Variants in TAX1BP1 observed in about 807,000 individuals in gnomAD.
TAX1BP1 encodes Tax1 binding protein 1.
A neutral mutation model predicts 97.7 loss-of-function variants in TAX1BP1; 62 were observed. That is an observed-to-expected ratio of 0.63 (90% confidence interval 0.52 to 0.78). The LOEUF is 0.78. TAX1BP1 is among the 30% of genes least tolerant of loss of function. TAX1BP1 has a pLI of 0.00. For missense variants in TAX1BP1, 867 were observed against 916.1 expected (o/e 0.95, Z 0.69); for synonymous variants, 340 against 304.2 (o/e 1.12, Z -1.23).
In TAX1BP1 at chr7:27,825,555, CT is replaced by C. The variant is rs1562749072; in HGVS notation, c.2086-2182del. ...CATGTAGAATTATACTCTTGAGCCC[CT>C]CTCCCCTTTTATTAGGTAATAGGTG... On this transcript the variant is annotated intron_variant, in intron 15 of 16. Coordinates refer to ENST00000396319, the MANE Select transcript of TAX1BP1 (RefSeq NM_006024.7). 1.4e-4 allele frequency among the ~76,000 whole-genome samples: 22 copies of C among 152,216 alleles called. No homozygotes were observed. In the South Asian group the frequency reaches 4.4e-3, roughly 30 times the overall value.
chr7:27,748,723 A>G, intron 2 of TAX1BP1, 37 bp downstream of exon 2: 1 of 1,436,688 alleles, frequency 7.0e-7, no homozygotes, highest in South Asian at 1.7e-5. Flanking sequence ...CCATGTAAAC[A>G]CTTAAAATTT....
intron 13 of TAX1BP1, among the ~76,000 whole-genome samples, chr7:27,812,063 C>T (rs185748925): frequency 4.2e-4 from 64 of 152,216 alleles, no homozygotes; most frequent in South Asian, 2.1e-4. Context: ...TTTAATGAAA[C>T]GGCCGAATTG....
intron 5 of TAX1BP1, among the ~76,000 whole-genome samples, chr7:27,777,575 G>A (rs1043881280): frequency 2.0e-5 from 3 of 152,008 alleles, no homozygotes; most frequent in Admixed American, 2.0e-4. Context: ...TTCCTCACAC[G>A]CATATGCTGA....
At chr7:27,803,559 T>C (rs573036116) in intron 13 of TAX1BP1, among the ~76,000 whole-genome samples, 154 of 152,372 alleles carry the variant, frequency 1.0e-3, no homozygotes, top group Non-Finnish European at 1.8e-3. Context: ...TTCTCCCTGC[T>C]GTGACATTTG....
chr7:27,783,282 T>G (rs995350122), intron 5 of TAX1BP1, among the ~76,000 whole-genome samples: 2 of 152,248 alleles, frequency 1.3e-5, no homozygotes, highest in African/African-American at 4.8e-5. Flanking sequence ...AGATTTTATC[T>G]TTTAAAGTTA....
At chr7:27,817,144 G>T (rs1306181771) in intron 15 of TAX1BP1, 106 bp downstream of exon 15, 2 of 1,323,520 alleles carry the variant, frequency 1.5e-6, no homozygotes, top group African/African-American at 1.5e-5. Flanking sequence ...GTGCATGCGT[G>T]TGTGTGGAAG....
At chr7:27,780,062 T>C (rs1789194396) in intron 5 of TAX1BP1, among the ~76,000 whole-genome samples, 1 of 152,154 alleles carries the variant, frequency 6.6e-6, no homozygotes. Context: ...GTTACTATGG[T>C]TGAAAGGAGG....
chr7:27,801,053 A>C (rs1288273631), intron 13 of TAX1BP1, among the ~76,000 whole-genome samples: 1 of 151,092 alleles, frequency 6.6e-6, no homozygotes, highest in Non-Finnish European at 1.5e-5. Context: ...GCAGTGAGCC[A>C]AGATCATGCC....
At chr7:27,825,061 T>C (rs1791122471) in intron 15 of TAX1BP1, among the ~76,000 whole-genome samples, 1 of 152,162 alleles carries the variant, frequency 6.6e-6, no homozygotes, top group South Asian at 2.1e-4. Flanking sequence ...TCTCTGGCTT[T>C]CCATGCTTTC....
chr7:27,793,211 CAGTA>C lies in TAX1BP1; in HGVS notation c.1410+4_1410+7del. 6.4e-7 allele frequency: 1 copy of C among 1,569,752 alleles called. No homozygotes were observed. Among genetic ancestry groups the C allele is most frequent in the Non-Finnish European group, 8.6e-7 (1 of 1,168,690 alleles). ...CAAATAAACAAACTTTCAGATCAATCAGTAAGTATCATTAAATTTACACATAGTA... is the reference window on the plus strand; with the variant it reads ...CAAATAAACAAACTTTCAGATCAATCAGTATCATTAAATTTACACATAGTA... On this transcript the variant is annotated splice_donor_variant and splice_donor_region_variant and coding_sequence_variant and intron_variant, in exon 10 of 17. Transcript: ENST00000396319. LOFTEE classifies it high-confidence loss of function.
chr7:27,758,152 A>G lies in TAX1BP1; in HGVS notation c.265+19A>G, dbSNP rs762343366. 1 of 1,562,634 alleles carries G rather than the reference A, an allele frequency of 6.4e-7. No individual in the cohort carries two copies. Among genetic ancestry groups the G allele is most frequent in the Non-Finnish European group, 8.8e-7 (1 of 1,138,510 alleles). ...TTCCAAGGTAAGGACTGAAAACTGC[A>G]GAACTCAATGAAACTAGATGTCTTA... On this transcript the variant is annotated intron_variant, in intron 3 of 16. Transcript: ENST00000396319.
At chr7:27,811,296 C>T (rs941905597) in intron 13 of TAX1BP1, among the ~76,000 whole-genome samples, 5 of 152,172 alleles carry the variant, frequency 3.3e-5, no homozygotes, top group Non-Finnish European at 7.4e-5. Context: ...GATATGTGGA[C>T]GTGTATGTTA....
Position 27,785,300 on chromosome 7 carries a change from C to A in TAX1BP1, c.750C>A (p.Thr250=). Residue 250 remains threonine (T), a synonymous_variant, in exon 6 of 17, where the codon ACC becomes ACA. Coordinates refer to ENST00000396319, the MANE Select transcript of TAX1BP1 (RefSeq NM_006024.7). The part of the protein sequence containing the change: ...SVTHKAIEKE[T]ELDSLKDKLK... The stretch of plus-strand genomic sequence containing the variant: ...CACATAAAGCAATTGAAAAAGAAAC[C>A]GAATTAGACAGGTATTTCTCATGCT... 1.2e-6 allele frequency: 2 copies of A among 1,604,454 alleles called. No homozygotes were observed. The highest frequency in any genetic ancestry group is 1.7e-6 in the Non-Finnish European group (2 of 1,177,282).
Position 27,787,542 on chromosome 7 carries a change from A to C in TAX1BP1, c.977A>C (p.Gln326Pro). 6.2e-7 allele frequency: 1 copy of C among 1,613,578 alleles called. No individual in the cohort carries two copies. The highest frequency in any genetic ancestry group is 1.1e-5 in the South Asian group (1 of 90,940). Reference protein sequence around the residue: ...THFKEEIGRLQLCLAEKENLQ... With the variant: ...THFKEEIGRLPLCLAEKENLQ... Reference sequence around the variant, plus strand: ...TTCAAAGAAGAGATTGGCAGGCTGCAGTTATGTTTGGCTGAAAAGGAAAAT... The same window carrying C: ...TTCAAAGAAGAGATTGGCAGGCTGCCGTTATGTTTGGCTGAAAAGGAAAAT... The change falls in exon 8 of 17, where the codon CAG becomes CCG. Residue 326 changes from glutamine to proline, a missense_variant. Coordinates refer to ENST00000396319, the MANE Select transcript of TAX1BP1 (RefSeq NM_006024.7).
chr7:27,782,993 A>G (rs1231027167), intron 5 of TAX1BP1, among the ~76,000 whole-genome samples: 2 of 152,182 alleles, frequency 1.3e-5, no homozygotes, highest in South Asian at 2.1e-4. Context: ...CGGGTTATTC[A>G]TAAGTGAGAG....
intron 11 of TAX1BP1, among the ~76,000 whole-genome samples, chr7:27,795,297 G>T (rs973646850): frequency 2.0e-5 from 3 of 151,958 alleles, no homozygotes; most frequent in African/African-American, 4.8e-5. Context: ...GTAATGAAGG[G>T]CTAGAAGAAT....
At chr7:27,818,389 C>G (rs554098703) in intron 15 of TAX1BP1, among the ~76,000 whole-genome samples, 1 of 152,098 alleles carries the variant, frequency 6.6e-6, no homozygotes, top group African/African-American at 2.4e-5. Flanking sequence ...AAAAAAAATT[C>G]TTGTTGTTAC....
At chr7:27,777,393 A>T (rs1229445951) in intron 5 of TAX1BP1, among the ~76,000 whole-genome samples, 3 of 152,122 alleles carry the variant, frequency 2.0e-5, no homozygotes, top group African/African-American at 7.2e-5. Context: ...TCTCCCCACT[A>T]CTGAGGAAAG....
At chr7:27,761,700 A>G (rs1300493204) in intron 3 of TAX1BP1, among the ~76,000 whole-genome samples, 1 of 152,196 alleles carries the variant, frequency 6.6e-6, no homozygotes, top group African/African-American at 2.4e-5. Flanking sequence ...ATTCTATTGA[A>G]TGGATGTATC....
Sources: gnomAD v4.1 joint callset for allele counts (sites outside exome capture counted in the v4.1 genomes callset) on GRCh38, gnomAD v4.1.1 for gene constraint, MANE v1.5 for transcripts, NCBI Gene and HGNC (gene_info 2026-07-23, HGNC 2026-07-21) for gene names.